The following ALG14 variants were observed in gnomAD, a reference collection of about 807,000 sequenced individuals.
ALG14 encodes ALG14 UDP-N-acetylglucosaminyltransferase subunit, also known as UDP-N-acetylglucosamine transferase subunit ALG14.
ALG14 carries 17 observed loss-of-function variants against 22.8 expected under a neutral mutation model. The ratio of observed to expected loss-of-function variants is 0.75; its 90% CI spans 0.51 to 1.12. The LOEUF (loss-of-function observed/expected upper bound fraction) is 1.12. Among genes scored for constraint, ALG14 ranks in the 50% most tolerant of loss-of-function variants. The probability of loss-of-function intolerance (pLI) is 0.00; values close to 1 mark genes in which losing one functional copy is unlikely to be tolerated. For missense variants in ALG14, 288 were observed against 271.8 expected, an observed-to-expected ratio of 1.06 and a Z score of -0.42; for synonymous variants, 89 against 103.7, an observed-to-expected ratio of 0.86 and a Z score of 0.86.
intron 1 of ALG14, among the ~76,000 whole-genome samples, chr1:95,067,779 T>A (rs569025170): frequency 1.3e-5 from 2 of 152,264 alleles, no homozygotes; most frequent in South Asian, 2.1e-4. Flanking sequence ...TGTGACCCTA[T>A]TCGAGTTGAT....
intron 3 of ALG14, among the ~76,000 whole-genome samples, chr1:95,020,054 C>T (rs1446507560): frequency 6.6e-6 from 1 of 151,760 alleles, no homozygotes; most frequent in Admixed American, 6.6e-5. Flanking sequence ...CCCATCTCTA[C>T]TAAAAATACA....
intron 2 of ALG14, among the ~76,000 whole-genome samples, chr1:95,053,748 G>C (rs1373115675): frequency 6.6e-6 from 1 of 152,122 alleles, no homozygotes; most frequent in Non-Finnish European, 1.5e-5. Context: ...TTACTGAATA[G>C]ATCAAGAAGT....
chr1:94,983,375 G>A (rs1265240712), intron 3 of ALG14, 69 bp from the exon 4 acceptor site: 10 of 1,284,176 alleles, frequency 7.8e-6, no homozygotes, highest in Non-Finnish European at 1.1e-5. Context: ...TTTGCATTAA[G>A]AACAGCCTGA....
chr1:95,062,821 G>A (rs1279139089), intron 2 of ALG14, among the ~76,000 whole-genome samples: 1 of 152,190 alleles, frequency 6.6e-6, no homozygotes. Flanking sequence ...ACCCAGCAAT[G>A]GGATTGCTAG....
rs549023652 is a variant in ALG14, at chr1:95,039,177, T to C, written c.289-11917A>G. On this transcript the variant is annotated intron_variant, in intron 2 of 3. Coordinates refer to ENST00000370205, the MANE Select transcript of ALG14 (RefSeq NM_144988.4). ...GCAGCGTGTTCAGAGCTGAGAGACA[T>C]GAAATAGCATGGAATATCTGGGGAA... is the stretch of plus-strand genomic sequence containing the variant. Among the ~76,000 whole-genome samples the C allele has an allele frequency of 1.8e-4, 28 of 152,242 alleles. No homozygotes were observed. In the South Asian group the frequency reaches 4.6e-3, roughly 25 times the overall value.
chr1:95,069,554 C>T (rs1041359232), intron 1 of ALG14, among the ~76,000 whole-genome samples: 4 of 151,862 alleles, frequency 2.6e-5, no homozygotes, highest in African/African-American at 7.3e-5. Context: ...ATTCCCTAGT[C>T]TTTATTCAAA....
rs148382017 is a variant in ALG14 at position 95,001,596 on chromosome 1, A to T, written c.421-18290T>A. ...CTGCAACCTCCGCCTCCCGGGCTCG[A>T]GCAATTCTCGTGTCTCAGCCTCCCG... On this transcript the variant is annotated intron_variant, in intron 3 of 3. Transcript: ENST00000370205. Among the ~76,000 whole-genome samples the T allele has an allele frequency of 2.3e-3, 346 of 152,254 alleles. 1 individual carries two copies. Among genetic ancestry groups the T allele is most frequent in the African/African-American group, 8.1e-3 (335 of 41,542 alleles).
intron 3 of ALG14, among the ~76,000 whole-genome samples, chr1:95,021,101 CAA>C (rs1224833112): frequency 6.6e-6 from 1 of 152,182 alleles, no homozygotes; most frequent in East Asian, 1.9e-4. Context: ...TCAGAGGGAG[CAA>C]AAGTTAACCA....
At chr1:94,986,362 T>C (rs551351963) in intron 3 of ALG14, among the ~76,000 whole-genome samples, 1 of 152,334 alleles carries the variant, frequency 6.6e-6, no homozygotes, top group African/African-American at 2.4e-5. Flanking sequence ...CAAGGGAGTA[T>C]AGAAGGAGTG....
In ALG14 at chr1:95,010,404, G is replaced by T. The variant is rs913623418; in HGVS notation, c.420+16725C>A. ...TCATTTGCCCAAGTTAGAAACATAG[G>T]ACTCAGCCTAGATTTGTCCTCAACC... On this transcript the variant is annotated intron_variant, in intron 3 of 3. Transcript: ENST00000370205. Among the ~76,000 whole-genome samples the T allele has an allele frequency of 6.6e-4, 101 of 152,254 alleles. 1 individual carries two copies. The highest frequency in any genetic ancestry group is 2.4e-3 in the African/African-American group (98 of 41,548).
At chr1:95,029,596 T>C (rs1673934382) in intron 2 of ALG14, among the ~76,000 whole-genome samples, 1 of 152,204 alleles carries the variant, frequency 6.6e-6, no homozygotes, top group African/African-American at 2.4e-5. Context: ...AGAAACAATA[T>C]GTTCCTTGAG....
rs186511600 is a variant in ALG14 at position 95,004,835 on chromosome 1, T to A, written c.421-21529A>T. 8.2e-5 allele frequency among the ~76,000 whole-genome samples: 12 copies of A among 145,576 alleles called. No homozygotes were observed. In the East Asian group the frequency reaches 1.2e-3, roughly 14 times the overall value. ...TATTTTTATTTTTTGAGACAGAATC[T>A]CGCTCTGTTGCCCAGGCTGGAGTGC... On this transcript the variant is annotated intron_variant, in intron 3 of 3. Transcript: ENST00000370205.
intron 3 of ALG14, among the ~76,000 whole-genome samples, chr1:94,985,063 G>A (rs1672606912): frequency 6.6e-6 from 1 of 152,170 alleles, no homozygotes; most frequent in Non-Finnish European, 1.5e-5. Flanking sequence ...GCACACAGAA[G>A]TTGGGCAAGT....
At position 95,064,933 on chromosome 1, in the gene ALG14, T is replaced by A; in HGVS notation, c.221A>T (p.Asp74Val). ...ATTTATTTTATTGGCACTCATTTCA[T>A]CAGTGTCAGCAATGACATAATGTCT... is the stretch of plus-strand genomic sequence containing the variant. ...SPRHYVIADT[D>V]EMSANKINSF... Residue 74 changes from aspartate to valine, a missense_variant, in exon 2 of 4, where the codon GAT becomes GTT. By Grantham distance (152) the Asp-to-Val change is radical. Coordinates refer to ENST00000370205, the MANE Select transcript of ALG14 (RefSeq NM_144988.4). The A allele has an allele frequency of 1.9e-6, 3 of 1,614,028 alleles. No individual in the cohort carries two copies. The highest frequency in any genetic ancestry group is 2.5e-6 in the Non-Finnish European group (3 of 1,179,906).
chr1:95,015,975 C>T (rs1195981582), intron 3 of ALG14, among the ~76,000 whole-genome samples: 1 of 152,178 alleles, frequency 6.6e-6, no homozygotes, highest in Non-Finnish European at 1.5e-5. Context: ...GATCCAGCAA[C>T]CTACCATGGG....
intron 3 of ALG14, among the ~76,000 whole-genome samples, chr1:95,025,110 T>C (rs550606556): frequency 5.3e-5 from 8 of 152,222 alleles, no homozygotes; most frequent in Non-Finnish European, 1.2e-4. Flanking sequence ...GGCTGCAGAA[T>C]AGATGCTGTG....
At chr1:95,013,095 C>T (rs1376972367) in intron 3 of ALG14, among the ~76,000 whole-genome samples, 2 of 149,604 alleles carry the variant, frequency 1.3e-5, no homozygotes, top group Non-Finnish European at 3.0e-5. Flanking sequence ...GAGATTGTGC[C>T]ACAGTGACAC....
Position 94,975,529 on chromosome 1 carries a change from G to A in ALG14, c.*7547C>T, listed in dbSNP as rs1385510761. 1 of 152,160 alleles carries A rather than the reference G, an allele frequency of 6.6e-6. No individual in the cohort carries two copies. Among genetic ancestry groups the A allele is most frequent in the Non-Finnish European group, 1.5e-5 (1 of 68,044 alleles). 9.4% of individuals were successfully genotyped at this position (152,160 alleles called of 1,614,324 possible). A position where few individuals can be genotyped will look rare whatever the true frequency, so the allele number is the denominator to read the frequency against. On this transcript the variant is annotated 3_prime_UTR_variant, in exon 4 of 4. Coordinates refer to ENST00000370205, the MANE Select transcript of ALG14 (RefSeq NM_144988.4). ...TATGGGTAGAATTTCTGGGTCATAT[G>A]ATAACCCTATGTTTGATTTTTGTGA...
At chr1:95,020,968 T>C (rs1016659475) in intron 3 of ALG14, among the ~76,000 whole-genome samples, 3 of 152,206 alleles carry the variant, frequency 2.0e-5, no homozygotes, top group African/African-American at 7.2e-5. Context: ...ATAAAGCAAG[T>C]GTACTCTGGT....
Sources: allele counts gnomAD v4.1 joint callset (sites outside exome capture counted in the v4.1 genomes callset), GRCh38; gene constraint gnomAD v4.1.1; transcripts MANE v1.5; gene names NCBI Gene and HGNC (gene_info 2026-07-23, HGNC 2026-07-21).